Variants in GABRA2 observed in about 807,000 individuals in gnomAD.
The protein encoded by GABRA2 is gamma-aminobutyric acid receptor subunit alpha-2.
GABRA2 carries 16 observed loss-of-function variants against 48.7 expected under a neutral mutation model. The ratio of observed to expected loss-of-function variants is 0.33; its 90% CI spans 0.22 to 0.50. The LOEUF (loss-of-function observed/expected upper bound fraction) is 0.50. Ranked by LOEUF, GABRA2 falls within the 20% of genes least tolerant of loss-of-function variation. GABRA2 has a pLI of 0.98. For synonymous variants in GABRA2, 185 were observed against 184.5 expected (o/e 1.00, Z -0.02); for missense variants, 275 against 535.6 (o/e 0.51, Z 4.80).
At chr4:46,258,391 G>A (rs1347390192) in intron 9 of GABRA2, among the ~76,000 whole-genome samples, 1 of 151,812 alleles carries the variant, frequency 6.6e-6, no homozygotes, top group East Asian at 1.9e-4. Flanking sequence ...ATTTACAAGG[G>A]CAGGGGAGGG....
rs1167106275 is a variant in GABRA2, at chr4:46,303,457, C to T, written c.856+3G>A. On this transcript the variant is annotated splice_donor_region_variant and intron_variant, in intron 8 of 9. Coordinates refer to ENST00000381620, the MANE Select transcript of GABRA2 (RefSeq NM_000807.4). Reference sequence around the variant, plus strand: ...CTGTACTGCAAAGTGTGTATTCACTCACCAAACACAGTTCTTGCAGGCACA... The same window carrying T: ...CTGTACTGCAAAGTGTGTATTCACTTACCAAACACAGTTCTTGCAGGCACA... 1.2e-6 allele frequency: 2 copies of T among 1,613,250 alleles called. No individual in the cohort carries two copies. The highest frequency in any genetic ancestry group is 2.2e-5 in the South Asian group (2 of 91,058).
At position 46,389,784 on chromosome 4, in the gene GABRA2, G is replaced by A; in HGVS notation, c.-60C>T. 1 of 961,528 alleles carries A rather than the reference G, an allele frequency of 1.0e-6. No individual in the cohort carries two copies. Among genetic ancestry groups the A allele is most frequent in the Non-Finnish European group, 1.2e-6 (1 of 823,972 alleles). The allele number at this position is 961,528 out of a possible 1,614,324, so 59.6% of individuals were successfully genotyped here. On this transcript the variant is annotated 5_prime_UTR_variant, in exon 1 of 10. Coordinates refer to ENST00000381620, the MANE Select transcript of GABRA2 (RefSeq NM_000807.4). ...GTTTTCTTCCTTTTGCCCTGATCTT[G>A]ACGAGATAGGAAACTTGGGAGAGAG...
At chr4:46,387,874 T>G (rs11939386) in intron 2 of GABRA2, among the ~76,000 whole-genome samples, 1 of 151,924 alleles carries the variant, frequency 6.6e-6, no homozygotes, top group Non-Finnish European at 1.5e-5. Flanking sequence ...TCTTAAGTCT[T>G]CTGGTATTTT....
intron 5 of GABRA2, 39 bp from the exon 6 acceptor site, chr4:46,310,294 G>A (rs1406592810): frequency 2.0e-6 from 3 of 1,513,188 alleles, no homozygotes; most frequent in African/African-American, 1.4e-5. Context: ...AAGTATATTG[G>A]TAAGTCAAGA....
At chr4:46,355,665 C>A (rs962991031) in intron 3 of GABRA2, among the ~76,000 whole-genome samples, 2 of 152,100 alleles carry the variant, frequency 1.3e-5, no homozygotes, top group African/African-American at 2.4e-5. Context: ...AAAGATCCTG[C>A]CAAGCACAGG....
chr4:46,318,536 G>C (rs1342517998), intron 4 of GABRA2, among the ~76,000 whole-genome samples: 1 of 151,448 alleles, frequency 6.6e-6, no homozygotes, highest in Non-Finnish European at 1.5e-5. Flanking sequence ...ATTTGAAAAG[G>C]ATATTCTTGA....
chr4:46,273,510 T>TATATATATATGC (rs1719864509), intron 8 of GABRA2, among the ~76,000 whole-genome samples: 1 of 30,356 alleles, frequency 3.3e-5, no homozygotes, highest in African/African-American at 1.3e-4. Flanking sequence ...TGCATATATA[T>TATATATATATGC]ATATATATAT....
At chr4:46,285,314 A>G (rs562567437) in intron 8 of GABRA2, among the ~76,000 whole-genome samples, 358 of 152,236 alleles carry the variant, frequency 2.4e-3, no homozygotes, top group Non-Finnish European at 3.7e-3. Context: ...TACAAAATTT[A>G]TATTCAAATA....
At chr4:46,333,165 A>C (rs952972968) in intron 3 of GABRA2, among the ~76,000 whole-genome samples, 1 of 152,138 alleles carries the variant, frequency 6.6e-6, no homozygotes, top group Non-Finnish European at 1.5e-5. Context: ...GTAATTATAA[A>C]TAAACATAAT....
chr4:46,288,326 T>A (rs1722950097), intron 8 of GABRA2, among the ~76,000 whole-genome samples: 2 of 152,194 alleles, frequency 1.3e-5, no homozygotes, highest in Admixed American at 6.5e-5. Flanking sequence ...GAGAATTTGC[T>A]GAAGTTGTTT....
At chr4:46,265,486 T>TATAATATATTGTG (rs1560448811) in intron 8 of GABRA2, among the ~76,000 whole-genome samples, 1 of 131,094 alleles carries the variant, frequency 7.6e-6, no homozygotes, top group Non-Finnish European at 1.5e-5. Context: ...TGTGTATATA[T>TATAATATATTGTG]TATATATATA....
chr4:46,299,697 C>A (rs1375425759), intron 8 of GABRA2, among the ~76,000 whole-genome samples: 1 of 145,664 alleles, frequency 6.9e-6, no homozygotes, highest in South Asian at 2.2e-4. Context: ...TTTTTGTCTA[C>A]CCAACCACAT....
At chr4:46,347,917 G>T (rs1734415853) in intron 3 of GABRA2, among the ~76,000 whole-genome samples, 1 of 151,794 alleles carries the variant, frequency 6.6e-6, no homozygotes, top group Non-Finnish European at 1.5e-5. Context: ...AAATAATTCT[G>T]TTTAAAAGGT....
chr4:46,274,949 A>C (rs908797089), intron 8 of GABRA2, among the ~76,000 whole-genome samples: 2 of 152,054 alleles, frequency 1.3e-5, no homozygotes, highest in Non-Finnish European at 2.9e-5. Flanking sequence ...GGTTTAAGAA[A>C]AATCAAAAGA....
chr4:46,346,188 A>G (rs538841128), intron 3 of GABRA2, among the ~76,000 whole-genome samples: 1 of 152,114 alleles, frequency 6.6e-6, no homozygotes, highest in African/African-American at 2.4e-5. Context: ...ACTTCTGTGT[A>G]TATGGTACTT....
chr4:46,370,062 T>C (rs1714646494), intron 3 of GABRA2, among the ~76,000 whole-genome samples: 1 of 151,896 alleles, frequency 6.6e-6, no homozygotes, highest in African/African-American at 2.4e-5. Flanking sequence ...TGACAAGTAG[T>C]AAGAGATGGA....
intron 3 of GABRA2, among the ~76,000 whole-genome samples, chr4:46,349,758 C>T (rs1401925858): frequency 2.6e-5 from 4 of 151,858 alleles, no homozygotes; most frequent in Non-Finnish European, 1.5e-5. Context: ...GATAGTATCA[C>T]TTTCTTCTTA....
At chr4:46,383,636 G>A (rs187786274) in intron 3 of GABRA2, among the ~76,000 whole-genome samples, 2 of 152,226 alleles carry the variant, frequency 1.3e-5, no homozygotes, top group African/African-American at 4.8e-5. Flanking sequence ...TGTACCAGGA[G>A]ACATAGTGCC....
intron 3 of GABRA2, among the ~76,000 whole-genome samples, chr4:46,380,464 T>A (rs1216987336): frequency 6.6e-6 from 1 of 152,190 alleles, no homozygotes; most frequent in Non-Finnish European, 1.5e-5. Context: ...TCATTTCTAG[T>A]AGAAGTGGTA....
Sources: allele counts gnomAD v4.1 joint callset (sites outside exome capture counted in the v4.1 genomes callset), GRCh38; gene constraint gnomAD v4.1.1; transcripts MANE v1.5; gene names NCBI Gene and HGNC (gene_info 2026-07-23, HGNC 2026-07-21).